Variants in ART3 observed in about 807,000 individuals in gnomAD.
ART3 encodes ecto-ADP-ribosyltransferase 3.
A neutral mutation model predicts 48.5 loss-of-function variants in ART3; 49 were observed. That is an observed-to-expected ratio of 1.01 (90% CI 0.80 to 1.28). The LOEUF (loss-of-function observed/expected upper bound fraction) is 1.28. Among genes scored for constraint, ART3 ranks in the 50% most tolerant of loss-of-function variants. ART3 has a pLI of 0.00. For missense variants in ART3, 438 were observed against 454.3 expected (o/e 0.96, Z 0.33); for synonymous variants, 145 against 157.2 (o/e 0.92, Z 0.58).
rs538118338 is a variant in ART3 at position 76,081,796 on chromosome 4, A to G, written c.70-28A>G. 5 of 1,572,236 alleles carry G rather than the reference A, an allele frequency of 3.2e-6. No homozygotes were observed. In the South Asian group the frequency reaches 5.8e-5, roughly 18 times the overall value. ...GATATTCACTGAATTTCTTATTTCAAGAGTATTAATTTCTTTTTCCTTTGA... is the reference window on the plus strand; with the variant it reads ...GATATTCACTGAATTTCTTATTTCAGGAGTATTAATTTCTTTTTCCTTTGA... On this transcript the variant is annotated intron_variant, in intron 2 of 11. Transcript: ENST00000355810.
chr4:76,074,155 A>G (rs989425891), upstream of ART3, among the ~76,000 whole-genome samples: 6 of 152,130 alleles, frequency 3.9e-5, no homozygotes, highest in South Asian at 4.1e-4. Context: ...GCATTACCAA[A>G]TCCTTCCCTC....
At chr4:76,106,055 A>G (rs1418338568) in intron 10 of ART3, 5 of 985,262 alleles carry the variant, frequency 5.1e-6, no homozygotes, top group Non-Finnish European at 6.0e-6. Flanking sequence ...ATGTGAAAAC[A>G]GTACACAGGA....
At chr4:76,065,623 T>C (rs1416080078) in intron 1 of ART3, among the ~76,000 whole-genome samples, 4 of 151,752 alleles carry the variant, frequency 2.6e-5, no homozygotes, top group Non-Finnish European at 4.4e-5. Context: ...TTGATAAGAA[T>C]GTGTCTCTCT....
At position 76,082,477 on chromosome 4, in the gene ART3, C is replaced by A. The variant is rs372203159; in HGVS notation, c.723C>A (p.Asn241Lys). The change falls in exon 3 of 12, where the codon AAC (asparagine) becomes AAA (lysine). Residue 241 changes from asparagine (N) to lysine (K), a missense_variant. Asn to Lys is a moderately conservative substitution (Grantham distance 94, BLOSUM62 0). Coordinates refer to ENST00000355810, the MANE Select transcript of ART3 (RefSeq NM_001130016.3). ...FQVSQEGAGN[N>K]LILQSINKTC... ...TGTCACAGGAGGGGGCTGGCAATAA[C>A]CTTATCCTTCAAAGCATAAACAAGA... 1.2e-6 allele frequency: 2 copies of A among 1,610,868 alleles called. No homozygotes were observed. Among genetic ancestry groups the A allele is most frequent in the South Asian group, 2.2e-5 (2 of 90,632 alleles).
chr4:76,081,757 A>G (rs1722528945), intron 2 of ART3, 67 bp from the exon 3 acceptor site: 2 of 1,487,606 alleles, frequency 1.3e-6, no homozygotes, highest in Admixed American at 3.9e-5. Context: ...GGGGGTAATA[A>G]TGTGAGAGAA....
chr4:76,045,539 A>C (rs1018748918), intron 1 of ART3, among the ~76,000 whole-genome samples: 1 of 151,956 alleles, frequency 6.6e-6, no homozygotes, highest in Non-Finnish European at 1.5e-5. Flanking sequence ...TGGCTACTAC[A>C]TCAATTTCCT....
In ART3 at chr4:76,086,067, C is replaced by A. The variant is rs568835744; in HGVS notation, c.781+3532C>A. On this transcript the variant is annotated intron_variant, in intron 3 of 11. Coordinates refer to ENST00000355810, the MANE Select transcript of ART3 (RefSeq NM_001130016.3). The stretch of plus-strand genomic sequence containing the variant: ...AGCCTGGTCAACAAGAGTCCCCCCC[C>A]CCGCTCCCTCCCCGCAGAAAAACAG... Among the ~76,000 whole-genome samples, 30 of 151,716 alleles carry A rather than the reference C, an allele frequency of 2.0e-4. No homozygotes were observed. The East Asian group carries it at 3.9e-3, about 20-fold the overall frequency.
intron 1 of ART3, chr4:76,035,840 A>AGG (rs1340057283): frequency 8.3e-7 from 1 of 1,203,052 alleles, no homozygotes; most frequent in Non-Finnish European, 1.2e-6. Flanking sequence ...AAACTTTATC[A>AGG]TGTCTTTTAG....
At chr4:76,092,403 A>G (rs1233085831) in intron 3 of ART3, among the ~76,000 whole-genome samples, 1 of 152,138 alleles carries the variant, frequency 6.6e-6, no homozygotes, top group African/African-American at 2.4e-5. Flanking sequence ...TGGGTATAGA[A>G]TTCTAGATTG....
At chr4:76,031,161 A>G (rs977223633) in intron 1 of ART3, among the ~76,000 whole-genome samples, 1 of 152,102 alleles carries the variant, frequency 6.6e-6, no homozygotes, top group East Asian at 1.9e-4. Flanking sequence ...CTTAACTTCA[A>G]TCCCTCTGAT....
In ART3 at chr4:76,105,632, T is replaced by C. The variant is rs111717244; in HGVS notation, c.1003+1003T>C. 1.2e-3 allele frequency: 1,479 copies of C among 1,245,754 alleles called. 19 individuals carry two copies. The African/African-American group carries it at 0.02, about 17-fold the overall frequency. The allele number at this position is 1,245,754 out of a possible 1,614,324, so 77.2% of individuals were successfully genotyped here. ...CATAATCATTCAGTTAGTTCAGTCT[T>C]ATGGGGTCTGGGGAAGACATCTGGG... On this transcript the variant is annotated intron_variant, in intron 10 of 11. Transcript: ENST00000355810.
intron 1 of ART3, among the ~76,000 whole-genome samples, chr4:76,020,699 G>T (rs1732717980): frequency 6.6e-6 from 1 of 152,000 alleles, no homozygotes; most frequent in African/African-American, 2.4e-5. Flanking sequence ...AGAGAAATTT[G>T]GCCATAGGGC....
At chr4:76,107,096 A>G (rs539289422) in intron 10 of ART3, 1 of 152,308 alleles carries the variant, frequency 6.6e-6, no homozygotes, top group African/African-American at 2.4e-5. Flanking sequence ...CTGCAGGCTC[A>G]TGTAAGTGTT....
intron 9 of ART3, chr4:76,104,335 G>T: frequency 2.0e-6 from 2 of 984,436 alleles, no homozygotes; most frequent in South Asian, 9.4e-5. Flanking sequence ...ACATCTCATT[G>T]CCTGTATCTC....
chr4:76,086,058 GT>G (rs1338509664), intron 3 of ART3, among the ~76,000 whole-genome samples: 7 of 144,024 alleles, frequency 4.9e-5, no homozygotes, highest in African/African-American at 1.9e-4. Flanking sequence ...GTCAACAAGA[GT>G]CCCCCCCCCC....
At chr4:76,075,428 G>A (rs1720837445) in intron 1 of ART3, among the ~76,000 whole-genome samples, 1 of 152,188 alleles carries the variant, frequency 6.6e-6, no homozygotes, top group Admixed American at 6.5e-5. Flanking sequence ...GAGGATAGAA[G>A]AATGGATAAT....
chr4:76,012,353 T>G (rs1731884261), intron 1 of ART3: 1 of 152,220 alleles, frequency 6.6e-6, no homozygotes, highest in Non-Finnish European at 1.5e-5. Context: ...TCGGCAGCTG[T>G]TGTTAGTATT....
At chr4:76,033,757 A>G (rs1417802752) in intron 1 of ART3, 1 of 152,218 alleles carries the variant, frequency 6.6e-6, no homozygotes, top group African/African-American at 2.4e-5. Flanking sequence ...AGTCTTGAGT[A>G]TACCTAAATT....
chr4:76,048,454 G>GT (rs1384694933), intron 1 of ART3, among the ~76,000 whole-genome samples: 1 of 151,772 alleles, frequency 6.6e-6, no homozygotes, highest in Admixed American at 6.6e-5. Flanking sequence ...GGGTGAGCCT[G>GT]TTGATGCATG....
Sources: gnomAD v4.1 joint callset for allele counts (sites outside exome capture counted in the v4.1 genomes callset) on GRCh38, gnomAD v4.1.1 for gene constraint, MANE v1.5 for transcripts, NCBI Gene and HGNC (gene_info 2026-07-23, HGNC 2026-07-21) for gene names.